The following IL1RAPL1 variants were observed in gnomAD, a reference collection of about 807,000 sequenced individuals.
IL1RAPL1 encodes the protein interleukin 1 receptor accessory protein like 1.
In IL1RAPL1, 3 loss-of-function variants were observed where a neutral mutation model predicts 48.4. The ratio of observed to expected loss-of-function variants is 0.06; its 90% CI spans 0.03 to 0.16. IL1RAPL1 has a LOEUF of 0.16. Among genes scored for constraint, IL1RAPL1 ranks in the 10% least tolerant of loss-of-function variants. The pLI, the probability that IL1RAPL1 is intolerant of heterozygous loss-of-function variation, is 1.00. For synonymous variants in IL1RAPL1, 185 were observed against 187.7 expected (o/e 0.99, Z 0.12); for missense variants, 349 against 530.6 (o/e 0.66, Z 3.36).
intron 6 of IL1RAPL1, among the ~76,000 whole-genome samples, chrX:29,768,144 T>G (rs1470558139): frequency 2.7e-5 from 3 of 112,145 alleles, no homozygotes; most frequent in Non-Finnish European, 5.6e-5. Flanking sequence ...TGACAAGTTT[T>G]GTGATAGATC....
intron 8 of IL1RAPL1, among the ~76,000 whole-genome samples, chrX:29,933,042 A>G (rs953349861): frequency 8.9e-6 from 1 of 112,019 alleles, no homozygotes; most frequent in African/African-American, 3.2e-5. Flanking sequence ...CTGTAAGTCT[A>G]TACAAGACTG....
At chrX:29,620,301 A>G (rs1290776767) in intron 5 of IL1RAPL1, among the ~76,000 whole-genome samples, 3 of 111,963 alleles carry the variant, frequency 2.7e-5, no homozygotes, top group Non-Finnish European at 5.7e-5. Flanking sequence ...TCTTGTGTGA[A>G]CATCCTAGAG....
chrX:28,768,778 T>TATACAC (rs768805531), intron 1 of IL1RAPL1, among the ~76,000 whole-genome samples: 7 of 76,442 alleles, frequency 9.2e-5, no homozygotes, highest in African/African-American at 3.3e-4. Flanking sequence ...TATATATATA[T>TATACAC]ACACACACTA....
At chrX:29,379,050 C>T (rs1245834227) in intron 3 of IL1RAPL1, among the ~76,000 whole-genome samples, 2 of 112,444 alleles carry the variant, frequency 1.8e-5, no homozygotes, top group Non-Finnish European at 1.9e-5. Flanking sequence ...GTGTTGCATA[C>T]AGATCTCAGC....
intron 2 of IL1RAPL1, among the ~76,000 whole-genome samples, chrX:28,918,828 C>A (rs1321733924): frequency 9.0e-6 from 1 of 111,462 alleles, no homozygotes; most frequent in Non-Finnish European, 1.9e-5. Context: ...ATTGGTCTGG[C>A]AAAGTGCTGG....
chrX:29,478,477 A>G (rs892198854), intron 5 of IL1RAPL1, among the ~76,000 whole-genome samples: 4 of 110,748 alleles, frequency 3.6e-5, no homozygotes, highest in African/African-American at 9.9e-5. Context: ...TTGCCCTCCT[A>G]TAGTCTTCCG....
chrX:29,220,585 C>T lies in IL1RAPL1; in HGVS notation c.83-62353C>T, dbSNP rs749510138. Among the ~76,000 whole-genome samples, 15 of 112,223 alleles carry T rather than the reference C, an allele frequency of 1.3e-4. No homozygotes were observed. In the South Asian group the frequency reaches 4.0e-3, roughly 30 times the overall value. On this transcript the variant is annotated intron_variant, in intron 2 of 10. Transcript: ENST00000378993. ...GTGGTTACGTGAAAATCGTAAATGT[C>T]GGATCTCAGTTTAATTGTGGTAGAA...
At chrX:29,398,518 A>G (rs1454213179) in intron 4 of IL1RAPL1, among the ~76,000 whole-genome samples, 1 of 112,140 alleles carries the variant, frequency 8.9e-6, no homozygotes, top group Non-Finnish European at 1.9e-5. Flanking sequence ...TTAACAATGA[A>G]AACAGATATT....
At chrX:29,389,386 A>G (rs1933827246) in intron 3 of IL1RAPL1, among the ~76,000 whole-genome samples, 1 of 107,795 alleles carries the variant, frequency 9.3e-6, no homozygotes, top group South Asian at 4.1e-4. Context: ...GTTAAAACGG[A>G]TAAAGATCAA....
At chrX:29,238,939 G>T (rs968004253) in intron 2 of IL1RAPL1, among the ~76,000 whole-genome samples, 20 of 111,889 alleles carry the variant, frequency 1.8e-4, no homozygotes, top group African/African-American at 6.5e-4. Flanking sequence ...CAAAGAAATG[G>T]ATAATCACCT....
chrX:29,383,933 A>C (rs1933743407), intron 3 of IL1RAPL1, among the ~76,000 whole-genome samples: 1 of 112,343 alleles, frequency 8.9e-6, no homozygotes, highest in African/African-American at 3.2e-5. Context: ...AATCATAGAA[A>C]GGAAGCTGGA....
chrX:29,709,120 C>T (rs772880510), intron 6 of IL1RAPL1, among the ~76,000 whole-genome samples: 1 of 111,002 alleles, frequency 9.0e-6, no homozygotes, highest in East Asian at 2.8e-4. Flanking sequence ...GGGATATTAG[C>T]CTGTTATTAG....
chrX:29,302,899 C>CT (rs1369324105), intron 3 of IL1RAPL1, among the ~76,000 whole-genome samples: 2 of 111,920 alleles, frequency 1.8e-5, no homozygotes, highest in East Asian at 2.8e-4. Context: ...CATTATAAAG[C>CT]TGTTTTATCC....
intron 2 of IL1RAPL1, among the ~76,000 whole-genome samples, chrX:29,199,706 A>G (rs974020030): frequency 8.9e-6 from 1 of 112,158 alleles, no homozygotes; most frequent in Non-Finnish European, 1.9e-5. Flanking sequence ...AATTCTTGCT[A>G]GCCTCCTGCT....
chrX:29,885,428 A>G (rs1601866580), intron 6 of IL1RAPL1, among the ~76,000 whole-genome samples: 2 of 111,775 alleles, frequency 1.8e-5, no homozygotes. Context: ...GGGGGCGGAA[A>G]GTTTTGCTTT....
intron 1 of IL1RAPL1, among the ~76,000 whole-genome samples, chrX:28,721,993 T>C (rs1935589969): frequency 8.9e-6 from 1 of 111,904 alleles, no homozygotes; most frequent in South Asian, 3.7e-4. Context: ...TTTTGGTTAC[T>C]GTAGCCTTGT....
At chrX:29,677,193 T>C (rs1162092494) in intron 6 of IL1RAPL1, among the ~76,000 whole-genome samples, 2 of 112,148 alleles carry the variant, frequency 1.8e-5, no homozygotes, top group African/African-American at 6.5e-5. Flanking sequence ...ATATGCAGAC[T>C]CTCCATGAAA....
intron 1 of IL1RAPL1, among the ~76,000 whole-genome samples, chrX:28,754,805 G>T (rs1936088388): frequency 8.9e-6 from 1 of 112,104 alleles, no homozygotes; most frequent in South Asian, 3.7e-4. Context: ...TTTCAAGACA[G>T]AAAATTCCTT....
At chrX:29,170,067 A>G (rs769870096) in intron 2 of IL1RAPL1, among the ~76,000 whole-genome samples, 5 of 111,791 alleles carry the variant, frequency 4.5e-5, no homozygotes, top group African/African-American at 1.3e-4. Flanking sequence ...TAGTGATAGA[A>G]TAGATGTCTA....
Sources: gnomAD v4.1 joint callset for allele counts (sites outside exome capture counted in the v4.1 genomes callset) on GRCh38, gnomAD v4.1.1 for gene constraint, MANE v1.5 for transcripts, NCBI Gene and HGNC (gene_info 2026-07-23, HGNC 2026-07-21) for gene names.